Variants in AADAC observed in about 807,000 individuals in gnomAD.
AADAC encodes arylacetamide deacetylase (esterase).
In AADAC, 17 loss-of-function variants were observed where a neutral mutation model predicts 22.7. The observed-to-expected ratio is 0.75, with a 90% CI of 0.51 to 1.12. The LOEUF (loss-of-function observed/expected upper bound fraction) is 1.12. Ranked by LOEUF, AADAC falls within the 50% of genes most tolerant of loss-of-function variation. The pLI is 0.00. For missense variants in AADAC, 465 were observed against 473.9 expected, an observed-to-expected ratio of 0.98 and a Z score of 0.17; for synonymous variants, 167 against 176.3, an observed-to-expected ratio of 0.95 and a Z score of 0.42.
intron 4 of AADAC, 35 bp from the exon 5 acceptor site, chr3:151,827,541 T>G (rs753836132): frequency 2.3e-6 from 3 of 1,314,062 alleles, no homozygotes; most frequent in Non-Finnish European, 3.1e-6. Flanking sequence ...TTGTTTTAAA[T>G]GAAAATGATT....
intron 4 of AADAC, among the ~76,000 whole-genome samples, chr3:151,825,077 A>C (rs886869561): frequency 6.6e-6 from 1 of 151,694 alleles, no homozygotes; most frequent in African/African-American, 2.4e-5. Context: ...TAAATCATTC[A>C]TTTAAAATTA....
chr3:151,827,481 A>AT lies in AADAC; in HGVS notation c.604-94dup. On this transcript the variant is annotated intron_variant, in intron 4 of 4. Transcript: ENST00000232892. ...TTTGAGATCATGAATAGATAGATAG[A>AT]TAAAAACAAGATAGATAGACAGATA... 6.3e-6 allele frequency: 5 copies of AT among 795,190 alleles called. No homozygotes were observed. In the South Asian group the frequency reaches 7.8e-5, roughly 12 times the overall value. 49.3% of individuals were successfully genotyped at this position (795,190 alleles called of 1,614,324 possible).
Position 151,814,231 on chromosome 3 carries a change from C to T in AADAC, c.69C>T (p.Leu23=), listed in dbSNP as rs760446017. The change falls in exon 1 of 5, where the codon CTC becomes CTT. Residue 23 remains leucine (L), a synonymous_variant. Transcript: ENST00000232892. ...ILIAYYIYTP[L]PDNVEEPWRM... is the part of the protein sequence containing the mutation. ...TAGCATATTATATTTATACGCCTCT[C>T]CCAGATAACGTTGAGGAGCCATGGA... 1 of 1,613,014 alleles carries T rather than the reference C, an allele frequency of 6.2e-7. No homozygotes were observed.
intron 2 of AADAC, 91 bp from the exon 3 acceptor site, chr3:151,820,292 G>A (rs981757292): frequency 2.1e-5 from 17 of 829,228 alleles, no homozygotes; most frequent in African/African-American, 8.7e-5. Flanking sequence ...GCCAGAACGT[G>A]AAAGAAGTGC....
At chr3:151,827,530 A>T (rs2410837) in intron 4 of AADAC, 46 bp from the exon 5 acceptor site, 914,070 of 1,185,982 alleles carry the variant, frequency 0.77, 355,262 homozygotes, top group Middle Eastern at 0.82. Flanking sequence ...GGGATATTTT[A>T]TTGTTTTAAA....
In AADAC at chr3:151,828,117, A is replaced by G; in HGVS notation, c.1145A>G (p.Lys382Arg). 6.2e-7 allele frequency: 1 copy of G among 1,608,458 alleles called. No homozygotes were observed. Among genetic ancestry groups the G allele is most frequent in the South Asian group, 1.1e-5 (1 of 90,624 alleles). Residue 382 changes from lysine (K) to arginine (R), a missense_variant, in exon 5 of 5, where the codon AAA becomes AGA. Lys to Arg is a conservative substitution (Grantham distance 26). Transcript: ENST00000232892. Reference protein sequence around the residue: ...FHGAFSFLGLKISHRLINQYI... With the variant: ...FHGAFSFLGLRISHRLINQYI... ...GGAGCATTTTCATTTCTGGGACTTA[A>G]AATTAGTCACAGACTTATAAATCAG... is the stretch of plus-strand genomic sequence containing the variant.
In AADAC at chr3:151,828,388, T is replaced by G; in HGVS notation, c.*216T>G. On this transcript the variant is annotated 3_prime_UTR_variant, in exon 5 of 5. Coordinates refer to ENST00000232892, the MANE Select transcript of AADAC (RefSeq NM_001086.3). The stretch of plus-strand genomic sequence containing the variant: ...TTTTCTGAGATTTTCCTTCTTACAC[T>G]GTTAATCTTATTTTAAAAAATATTA... 1 of 317,652 alleles carries G rather than the reference T, an allele frequency of 3.1e-6. No homozygotes were observed. Among genetic ancestry groups the G allele is most frequent in the Non-Finnish European group, 5.7e-6 (1 of 174,954 alleles). The allele number at this position is 317,652 out of a possible 1,614,324, so 19.7% of individuals were successfully genotyped here.
Position 151,827,991 on chromosome 3 carries a change from G to A in AADAC, c.1019G>A (p.Cys340Tyr), listed in dbSNP as rs755238625. 5.6e-6 allele frequency: 9 copies of A among 1,612,998 alleles called. No individual in the cohort carries two copies. The highest frequency in any genetic ancestry group is 1.7e-5 in the Admixed American group (1 of 59,858). The change falls in exon 5 of 5, where the codon TGT (cysteine) becomes TAT (tyrosine). Residue 340 changes from cysteine to tyrosine, a missense_variant. Transcript: ENST00000232892. The part of the protein sequence containing the change: ...RGLPLTYVIT[C>Y]QYDLLRDDGL... ...TTACCCCTGACCTATGTCATCACCT[G>A]TCAATATGATCTCTTAAGAGATGAT...
At position 151,820,517 on chromosome 3, in the gene AADAC, T is replaced by TTTC. The variant is rs1491249687; in HGVS notation, c.431+67_431+68insCTT. On this transcript the variant is annotated intron_variant, in intron 3 of 4. Coordinates refer to ENST00000232892, the MANE Select transcript of AADAC (RefSeq NM_001086.3). The stretch of plus-strand genomic sequence containing the variant: ...ACATGCCAAGATTTTCTCAGCTTTC[T>TTTC]TTTTTTTTTTTTTTTTTTGTGATGG... 99 of 373,626 alleles carry TTTC rather than the reference T, an allele frequency of 2.6e-4. No individual in the cohort carries two copies. In the African/African-American group the frequency reaches 7.4e-3, roughly 28 times the overall value. 23.1% of individuals were successfully genotyped at this position (373,626 alleles called of 1,614,324 possible).
chr3:151,821,135 T>A lies in AADAC; in HGVS notation c.431+683T>A, dbSNP rs1257546140. Among the ~76,000 whole-genome samples the A allele has an allele frequency of 2.4e-4, 37 of 152,050 alleles. 2 individuals carry two copies. The highest frequency in any genetic ancestry group is 1.3e-3 in the Admixed American group (20 of 15,250). ...ATCATCTATAAAAGTGCATCATAAA[T>A]AATTTCCATCTCAGATGGTCACTGT... On this transcript the variant is annotated intron_variant, in intron 3 of 4. Transcript: ENST00000232892.
chr3:151,818,179 C>A (rs926698573), intron 2 of AADAC, among the ~76,000 whole-genome samples: 2 of 149,674 alleles, frequency 1.3e-5, no homozygotes, highest in Non-Finnish European at 3.0e-5. Flanking sequence ...AGGCGGAGGT[C>A]GCAGTGAGCC....
At chr3:151,814,339 C>G (rs767150301) in intron 1 of AADAC, 39 bp downstream of exon 1, 1 of 1,560,428 alleles carries the variant, frequency 6.4e-7, no homozygotes, top group South Asian at 1.2e-5. Context: ...GTGCATACAC[C>G]ACCATTTGAC....
Position 151,825,088 on chromosome 3 carries a change from T to G in AADAC, c.603+254T>G, listed in dbSNP as rs546389210. Among the ~76,000 whole-genome samples the G allele has an allele frequency of 2.0e-5, 3 of 151,764 alleles. No homozygotes were observed. In the South Asian group the frequency reaches 6.2e-4, roughly 32 times the overall value. On this transcript the variant is annotated intron_variant, in intron 4 of 4. Transcript: ENST00000232892. Reference sequence around the variant, plus strand: ...TGGATAAATCATTCATTTAAAATTATAGCCTGCATGTGGTAGCTCAGCACT... The same window carrying G: ...TGGATAAATCATTCATTTAAAATTAGAGCCTGCATGTGGTAGCTCAGCACT...
At chr3:151,816,639 T>C in intron 1 of AADAC, among the ~76,000 whole-genome samples, 1 of 152,030 alleles carries the variant, frequency 6.6e-6, no homozygotes, top group East Asian at 1.9e-4. Flanking sequence ...CTTTGCCCTC[T>C]GAAAGTTGCT....
intron 3 of AADAC, 43 bp downstream of exon 3, chr3:151,820,495 T>A: frequency 9.2e-7 from 1 of 1,083,244 alleles, no homozygotes. Context: ...ATGTCTGACA[T>A]GCCAAGATTT....
chr3:151,816,898 C>T (rs1201381633), intron 1 of AADAC, among the ~76,000 whole-genome samples: 1 of 151,832 alleles, frequency 6.6e-6, no homozygotes, highest in African/African-American at 2.4e-5. Flanking sequence ...GATGGATCCT[C>T]ACAGGTAGCA....
chr3:151,826,906 T>G (rs1716518720), intron 4 of AADAC, among the ~76,000 whole-genome samples: 1 of 151,908 alleles, frequency 6.6e-6, no homozygotes, highest in Non-Finnish European at 1.5e-5. Context: ...ATTGATATAC[T>G]GGTATATTTT....
Position 151,817,527 on chromosome 3 carries a change from T to C in AADAC, c.300T>C (p.Ser100=). Residue 100 remains serine, a synonymous_variant, in exon 2 of 5, where the codon TCT becomes TCC. Transcript: ENST00000232892. Reference sequence around the variant, plus strand: ...GGGTATATGTGCCAAAGAGAAAGTCTGAAGCACTAAGAAGGGGGTTGTTTT... The same window carrying C: ...GGGTATATGTGCCAAAGAGAAAGTCCGAAGCACTAAGAAGGGGGTTGTTTT... The part of the protein sequence containing the change: ...LVRVYVPKRK[S]EALRRGLFYI... 1 of 1,613,842 alleles carries C rather than the reference T, an allele frequency of 6.2e-7. No homozygotes were observed. The highest frequency in any genetic ancestry group is 8.5e-7 in the Non-Finnish European group (1 of 1,179,766).
intron 2 of AADAC, among the ~76,000 whole-genome samples, chr3:151,818,023 G>A (rs1253134181): frequency 1.3e-5 from 2 of 151,954 alleles, no homozygotes; most frequent in Admixed American, 1.3e-4. Context: ...TGGATAACTT[G>A]AGGTCAGGAG....
Sources: gnomAD v4.1 joint callset for allele counts (sites outside exome capture counted in the v4.1 genomes callset) on GRCh38, gnomAD v4.1.1 for gene constraint, MANE v1.5 for transcripts, NCBI Gene and HGNC (gene_info 2026-07-23, HGNC 2026-07-21) for gene names.